SUCLG2: variants seen among roughly 807,000 people sequenced by gnomAD.
SUCLG2 encodes the protein succinate-CoA ligase GDP-forming subunit beta, also known as succinate--CoA ligase [GDP-forming] subunit beta, mitochondrial.
Under a neutral mutation model 47.9 loss-of-function variants are expected in SUCLG2, and 42 were observed. The observed-to-expected ratio is 0.88, with a 90% CI of 0.69 to 1.14. The LOEUF (loss-of-function observed/expected upper bound fraction) is 1.14. SUCLG2 is among the 50% of genes most tolerant of loss of function. SUCLG2 has a pLI of 0.00. For missense variants in SUCLG2, 571 were observed against 525.9 expected, an observed-to-expected ratio of 1.09 and a Z score of -0.84; for synonymous variants, 195 against 197.3, an observed-to-expected ratio of 0.99 and a Z score of 0.10.
intron 2 of SUCLG2, among the ~76,000 whole-genome samples, chr3:67,549,427 C>G (rs1026983646): frequency 1.3e-5 from 2 of 152,118 alleles, no homozygotes; most frequent in African/African-American, 4.8e-5. Context: ...AAAGCCAAAA[C>G]ATATCTGTGG....
At position 67,421,725 on chromosome 3, in the gene SUCLG2, G is replaced by A. The variant is rs942846901; in HGVS notation, c.1063-20874C>T. Among the ~76,000 whole-genome samples the A allele has an allele frequency of 3.9e-5, 6 of 152,150 alleles. No individual in the cohort carries two copies. In the East Asian group the frequency reaches 1.2e-3, roughly 29 times the overall value. On this transcript the variant is annotated intron_variant, in intron 9 of 10. Coordinates refer to ENST00000307227, the MANE Select transcript of SUCLG2 (RefSeq NM_003848.4). ...AAGGGGCTTAGCAACTCCACATTTTGTCATCTACTATTACATATCTAGGTC... is the reference window on the plus strand; with the variant it reads ...AAGGGGCTTAGCAACTCCACATTTTATCATCTACTATTACATATCTAGGTC...
At chr3:67,505,822 C>G (rs753557209) in intron 7 of SUCLG2, among the ~76,000 whole-genome samples, 1 of 151,928 alleles carries the variant, frequency 6.6e-6, no homozygotes, top group Non-Finnish European at 1.5e-5. Context: ...ATTAGCTGGG[C>G]GCGGTGGTGG....
intron 9 of SUCLG2, among the ~76,000 whole-genome samples, chr3:67,490,985 T>C (rs909392454): frequency 1.3e-5 from 2 of 152,106 alleles, no homozygotes; most frequent in African/African-American, 4.8e-5. Context: ...ATTCCAGTGA[T>C]ATTAAGTTTA....
Position 67,508,869 on chromosome 3 carries a change from AAG to A in SUCLG2, c.693_694del (p.Phe232ProfsTer4). The A allele has an allele frequency of 6.2e-7, 1 of 1,612,846 alleles. No homozygotes were observed. Among genetic ancestry groups the A allele is most frequent in the Non-Finnish European group, 8.5e-7 (1 of 1,179,576 alleles). The stretch of plus-strand genomic sequence containing the variant: ...CACCTGAGTAGCATCAATTTTCAGG[AAG>A]AGATTATACAGCTTCGTAATTTGAT... On this transcript the variant is annotated frameshift_variant, in exon 7 of 11. Coordinates refer to ENST00000307227, the MANE Select transcript of SUCLG2 (RefSeq NM_003848.4). LOFTEE classifies it high-confidence loss of function.
At chr3:67,524,678 A>T (rs548251085) in intron 4 of SUCLG2, among the ~76,000 whole-genome samples, 1 of 152,202 alleles carries the variant, frequency 6.6e-6, no homozygotes, top group Admixed American at 6.5e-5. Context: ...TGGAGTAGAC[A>T]TGTTTTTCCC....
rs1704007366 is a variant in SUCLG2 at position 67,449,683 on chromosome 3, T to C, written c.1062+46115A>G. 2.7e-5 allele frequency among the ~76,000 whole-genome samples: 4 copies of C among 150,890 alleles called. 1 individual carries two copies. Among genetic ancestry groups the C allele is most frequent in the Admixed American group, 2.6e-4 (4 of 15,168 alleles). ...CAGGCTGGGGTGCAGTGGCGTGACC[T>C]CGCTCACTGGAGCTTCTACCTCCCA... On this transcript the variant is annotated intron_variant, in intron 9 of 10. Transcript: ENST00000307227.
At chr3:67,499,021 C>T (rs1330884811) in intron 7 of SUCLG2, among the ~76,000 whole-genome samples, 6 of 152,048 alleles carry the variant, frequency 3.9e-5, no homozygotes, top group African/African-American at 7.3e-5. Context: ...GCAATATGAA[C>T]GAAGTTTGGT....
chr3:67,647,166 C>CCCCCA (rs1298258247), intron 1 of SUCLG2, among the ~76,000 whole-genome samples: 7 of 152,050 alleles, frequency 4.6e-5, no homozygotes, highest in African/African-American at 1.7e-4. Flanking sequence ...GATGCTAGTC[C>CCCCCA]CCCCACTCCA....
chr3:67,502,157 G>T (rs1391710446), intron 7 of SUCLG2, among the ~76,000 whole-genome samples: 3 of 152,134 alleles, frequency 2.0e-5, no homozygotes, highest in Non-Finnish European at 4.4e-5. Context: ...GATGGTAAAA[G>T]AATTGAATTG....
In SUCLG2 at chr3:67,375,739, A is replaced by G. The variant is rs1321108619; in HGVS notation, c.*5T>C. 1 of 1,611,730 alleles carries G rather than the reference A, an allele frequency of 6.2e-7. No individual in the cohort carries two copies. The highest frequency in any genetic ancestry group is 1.3e-5 in the African/African-American group (1 of 74,990). On this transcript the variant is annotated 3_prime_UTR_variant, in exon 11 of 11. Coordinates refer to ENST00000307227, the MANE Select transcript of SUCLG2 (RefSeq NM_003848.4). The stretch of plus-strand genomic sequence containing the variant: ...TTCTTTCTCCATTGGATCAGGACAA[A>G]GACATCACTTCTTGGCCACACTGGC...
intron 10 of SUCLG2, 91 bp downstream of exon 10, chr3:67,400,640 G>C (rs553124171): frequency 8.4e-6 from 13 of 1,541,990 alleles, no homozygotes; most frequent in African/African-American, 1.4e-5. Flanking sequence ...GTTTCGTTCT[G>C]TTATCTCAGG....
chr3:67,533,997 T>C (rs1381481450), intron 2 of SUCLG2, among the ~76,000 whole-genome samples: 2 of 152,208 alleles, frequency 1.3e-5, no homozygotes, highest in African/African-American at 2.4e-5. Flanking sequence ...TGAATGAGAC[T>C]GGAGATACAT....
At chr3:67,375,998 C>T (rs1702028801) in intron 10 of SUCLG2, 139 bp from the exon 11 acceptor site, 5 of 1,385,210 alleles carry the variant, frequency 3.6e-6, no homozygotes, top group Non-Finnish European at 4.7e-6. Flanking sequence ...ATCAAGGTCA[C>T]TGACAGAAAA....
At chr3:67,479,047 G>A (rs1704842457) in intron 9 of SUCLG2, among the ~76,000 whole-genome samples, 2 of 152,146 alleles carry the variant, frequency 1.3e-5, no homozygotes, top group Admixed American at 1.3e-4. Context: ...TGTCTTCTCT[G>A]GCCCACTCTC....
At chr3:67,546,357 C>A (rs1367783530) in intron 2 of SUCLG2, among the ~76,000 whole-genome samples, 2 of 152,170 alleles carry the variant, frequency 1.3e-5, no homozygotes, top group African/African-American at 4.8e-5. Flanking sequence ...GCACAGAAAT[C>A]AAGTCCTGTT....
At chr3:67,541,112 A>C (rs1003025958) in intron 2 of SUCLG2, among the ~76,000 whole-genome samples, 1 of 152,192 alleles carries the variant, frequency 6.6e-6, no homozygotes, top group Admixed American at 6.5e-5. Context: ...ACCAGTACAA[A>C]AAGGCTGAAA....
At chr3:67,472,486 T>C (rs9876877) in intron 9 of SUCLG2, among the ~76,000 whole-genome samples, 14,701 of 152,224 alleles carry the variant, frequency 0.097, 898 homozygotes, top group East Asian at 0.2. Flanking sequence ...AATGAAATAT[T>C]CTTGATGAAA....
At chr3:67,599,845 C>T (rs1190394304) in intron 2 of SUCLG2, among the ~76,000 whole-genome samples, 1 of 152,092 alleles carries the variant, frequency 6.6e-6, no homozygotes, top group East Asian at 1.9e-4. Context: ...AGCTTGTTTA[C>T]TTACCCAATT....
chr3:67,417,069 A>C (rs770286367), intron 9 of SUCLG2, among the ~76,000 whole-genome samples: 4 of 152,172 alleles, frequency 2.6e-5, no homozygotes, highest in Non-Finnish European at 5.9e-5. Flanking sequence ...TCAGAGGATA[A>C]GAAAGATGAG....
Sources: gnomAD v4.1 joint callset for allele counts (sites outside exome capture counted in the v4.1 genomes callset) on GRCh38, gnomAD v4.1.1 for gene constraint, MANE v1.5 for transcripts, NCBI Gene and HGNC (gene_info 2026-07-23, HGNC 2026-07-21) for gene names.